The following KIAA0825 variants were observed in gnomAD, a reference collection of about 807,000 sequenced individuals.
KIAA0825 encodes uncharacterized protein KIAA0825.
Under a neutral mutation model 147.6 loss-of-function variants are expected in KIAA0825, and 119 were observed. The ratio of observed to expected loss-of-function variants is 0.81; its 90% CI spans 0.69 to 0.94. The LOEUF is 0.94. Ranked by LOEUF, KIAA0825 falls within the 40% of genes least tolerant of loss-of-function variation. The pLI, the probability that KIAA0825 is intolerant of heterozygous loss-of-function variation, is 0.00. For synonymous variants in KIAA0825, 470 were observed against 518.1 expected (o/e 0.91, Z 1.26); for missense variants, 1,381 against 1,472.7 (o/e 0.94, Z 1.02).
chr5:94,251,449 C>A lies in KIAA0825; in HGVS notation c.3711-97325G>T, dbSNP rs183946491. On this transcript the variant is annotated intron_variant, in intron 20 of 20. Transcript: ENST00000682413. ...TATTAGATGCAAGGTAGCCGCTTAT[C>A]CCTAAAGGCCATGTATGCAAAAGAC... Among the ~76,000 whole-genome samples, 4 of 152,198 alleles carry A rather than the reference C, an allele frequency of 2.6e-5. No individual in the cohort carries two copies. The East Asian group carries it at 7.7e-4, about 29-fold the overall frequency.
intron 5 of KIAA0825, among the ~76,000 whole-genome samples, chr5:94,514,751 C>T (rs1766966207): frequency 6.6e-6 from 1 of 152,146 alleles, no homozygotes; most frequent in African/African-American, 2.4e-5. Flanking sequence ...GATTGGCCTA[C>T]TTTCTAATAG....
chr5:94,422,136 A>G (rs1283557815), intron 14 of KIAA0825, among the ~76,000 whole-genome samples: 1 of 152,144 alleles, frequency 6.6e-6, no homozygotes, highest in Admixed American at 6.6e-5. Context: ...GGCATTTGAG[A>G]AAATAGCAGA....
rs572873985 is a variant in KIAA0825 at position 94,266,726 on chromosome 5, G to A, written c.3711-112602C>T. ...CCACTCATCACTAATTTTTTGTTTC[G>A]GGAAATACAGTTTTTTTTTAGTAAA... On this transcript the variant is annotated intron_variant, in intron 20 of 20. Coordinates refer to ENST00000682413, the MANE Select transcript of KIAA0825 (RefSeq NM_001145678.3). 7.9e-5 allele frequency among the ~76,000 whole-genome samples: 12 copies of A among 152,064 alleles called. No homozygotes were observed. In the South Asian group the frequency reaches 8.3e-4, roughly 11 times the overall value.
intron 2 of KIAA0825, among the ~76,000 whole-genome samples, chr5:94,580,314 G>C (rs1781851187): frequency 6.6e-6 from 1 of 152,112 alleles, no homozygotes; most frequent in South Asian, 2.1e-4. Context: ...TAAATAATTT[G>C]CCTATCCTTT....
At chr5:94,173,485 C>G (rs1768818108) in intron 20 of KIAA0825, among the ~76,000 whole-genome samples, 1 of 152,134 alleles carries the variant, frequency 6.6e-6, no homozygotes, top group Admixed American at 6.6e-5. Flanking sequence ...CTTAGTCTTT[C>G]CATATGGCCT....
At chr5:94,216,644 G>A (rs957266512) in intron 20 of KIAA0825, among the ~76,000 whole-genome samples, 1 of 152,152 alleles carries the variant, frequency 6.6e-6, no homozygotes, top group Non-Finnish European at 1.5e-5. Flanking sequence ...TATTTAGGGA[G>A]GAGAGCCATT....
chr5:94,583,071 G>C (rs911907649), intron 1 of KIAA0825, among the ~76,000 whole-genome samples: 1 of 152,136 alleles, frequency 6.6e-6, no homozygotes, highest in Non-Finnish European at 1.5e-5. Flanking sequence ...TGGCCAAATA[G>C]GAACAGCTCC....
chr5:94,210,359 T>C (rs1003011326), intron 20 of KIAA0825, among the ~76,000 whole-genome samples: 2 of 152,068 alleles, frequency 1.3e-5, no homozygotes, highest in Admixed American at 1.3e-4. Context: ...CAGAAGAAAA[T>C]CCTTATAACA....
At chr5:94,515,276 TG>T (rs2151183181) in intron 5 of KIAA0825, among the ~76,000 whole-genome samples, 2 of 152,298 alleles carry the variant, frequency 1.3e-5, no homozygotes, top group East Asian at 3.9e-4. Context: ...TATAGTAAAA[TG>T]TTACAATATA....
chr5:94,190,987 TTTTC>T (rs1770632770), intron 20 of KIAA0825, among the ~76,000 whole-genome samples: 1 of 152,180 alleles, frequency 6.6e-6, no homozygotes, highest in Admixed American at 6.5e-5. Context: ...TATCTAATGT[TTTTC>T]TTTCTTTTCT....
intron 5 of KIAA0825, among the ~76,000 whole-genome samples, chr5:94,492,248 A>C (rs944493722): frequency 7.9e-5 from 12 of 152,222 alleles, no homozygotes; most frequent in Non-Finnish European, 2.9e-5. Flanking sequence ...CTTGGCTTCA[A>C]ATCTGGGCAC....
At chr5:94,362,539 G>T (rs866547501) in intron 20 of KIAA0825, among the ~76,000 whole-genome samples, 1 of 148,846 alleles carries the variant, frequency 6.7e-6, no homozygotes, top group East Asian at 1.9e-4. Context: ...CATAGCTCAG[G>T]TATCCCCATC....
At chr5:94,572,557 C>T (rs1780176331) in intron 2 of KIAA0825, among the ~76,000 whole-genome samples, 1 of 152,132 alleles carries the variant, frequency 6.6e-6, no homozygotes, top group South Asian at 2.1e-4. Flanking sequence ...TAATACTTCA[C>T]TCAAAAACGA....
intron 5 of KIAA0825, among the ~76,000 whole-genome samples, chr5:94,501,785 T>C (rs894036342): frequency 2.0e-5 from 3 of 152,184 alleles, no homozygotes; most frequent in Admixed American, 1.3e-4. Flanking sequence ...AAATTTTAAT[T>C]AGCTTACTCT....
At chr5:94,596,856 T>C (rs1402437403) in intron 1 of KIAA0825, among the ~76,000 whole-genome samples, 1 of 152,168 alleles carries the variant, frequency 6.6e-6, no homozygotes, top group Non-Finnish European at 1.5e-5. Flanking sequence ...TGGGACTGTG[T>C]TCCTGATTTG....
At chr5:94,429,244 G>A (rs1755315791) in intron 14 of KIAA0825, among the ~76,000 whole-genome samples, 2 of 152,218 alleles carry the variant, frequency 1.3e-5, no homozygotes, top group African/African-American at 4.8e-5. Context: ...CAATCCTTTG[G>A]TGGTGTCACT....
chr5:94,287,537 A>G (rs1777712858), intron 20 of KIAA0825, among the ~76,000 whole-genome samples: 4 of 152,176 alleles, frequency 2.6e-5, no homozygotes, highest in Admixed American at 2.6e-4. Flanking sequence ...AGGACTTTCA[A>G]AACAATTATT....
intron 13 of KIAA0825, among the ~76,000 whole-genome samples, chr5:94,446,506 T>C (rs952053622): frequency 4.6e-5 from 7 of 152,120 alleles, no homozygotes; most frequent in Non-Finnish European, 1.0e-4. Context: ...GCATTACCTA[T>C]GTGAAAGAGA....
At chr5:94,589,086 A>G (rs1324178688) in intron 1 of KIAA0825, among the ~76,000 whole-genome samples, 3 of 152,072 alleles carry the variant, frequency 2.0e-5, no homozygotes, top group African/African-American at 7.2e-5. Flanking sequence ...CCGCAAACCA[A>G]CACGGCACAG....
Sources: allele counts gnomAD v4.1 joint callset (sites outside exome capture counted in the v4.1 genomes callset), GRCh38; gene constraint gnomAD v4.1.1; transcripts MANE v1.5; gene names NCBI Gene and HGNC (gene_info 2026-07-23, HGNC 2026-07-21).